Variants in ACTR3C observed in about 807,000 individuals in gnomAD.
ACTR3C encodes actin-related protein 3C.
ACTR3C carries 18 observed loss-of-function variants against 26.3 expected under a neutral mutation model. That is an observed-to-expected ratio of 0.68 (90% confidence interval 0.47 to 1.01). ACTR3C has a LOEUF of 1.01. ACTR3C is among the 50% of genes least tolerant of loss of function. The pLI, the probability that ACTR3C is intolerant of heterozygous loss-of-function variation, is 0.00. For synonymous variants in ACTR3C, 55 were observed against 94.5 expected (o/e 0.58, Z 2.42); for missense variants, 184 against 250.7 (o/e 0.73, Z 1.80).
At chr7:150,016,588 T>G in the ACTR3C span, among the ~76,000 whole-genome samples, 3 of 152,104 alleles carry the variant, frequency 2.0e-5, no homozygotes, top group Non-Finnish European at 2.9e-5. Flanking sequence ...TCATAGGTAT[T>G]GAGAAGACAT....
the ACTR3C span, chr7:150,040,589 T>A: frequency 6.8e-6 from 1 of 147,686 alleles, no homozygotes; most frequent in Non-Finnish European, 1.5e-5. Flanking sequence ...AGATTGCAAA[T>A]AACCTGCTTT....
At chr7:150,300,349 C>G (rs1795341887) in intron 1 of ACTR3C, among the ~76,000 whole-genome samples, 1 of 152,022 alleles carries the variant, frequency 6.6e-6, no homozygotes, top group Admixed American at 6.6e-5. Flanking sequence ...AAGACTCCAT[C>G]TCAAAAAAAA....
chr7:149,889,568 A>C, the ACTR3C span, among the ~76,000 whole-genome samples: 1 of 152,214 alleles, frequency 6.6e-6, no homozygotes, highest in Non-Finnish European at 1.5e-5. Context: ...AATGTACATT[A>C]AAGTCACAAT....
At chr7:150,135,778 A>G in the ACTR3C span, among the ~76,000 whole-genome samples, 1 of 151,640 alleles carries the variant, frequency 6.6e-6, no homozygotes, top group Non-Finnish European at 1.5e-5. Flanking sequence ...AGAAAGAAAG[A>G]AAGAAAGAAA....
At chr7:150,125,730 G>A in the ACTR3C span, among the ~76,000 whole-genome samples, 40 of 152,086 alleles carry the variant, frequency 2.6e-4, no homozygotes, top group African/African-American at 9.2e-4. Context: ...CTACTGCTCC[G>A]GCTGGTACGT....
the ACTR3C span, among the ~76,000 whole-genome samples, chr7:149,958,017 T>G: frequency 6.6e-6 from 1 of 152,218 alleles, no homozygotes. Flanking sequence ...ATAAGGCAGA[T>G]GCTAAGTACC....
chr7:150,038,646 G>C, the ACTR3C span, among the ~76,000 whole-genome samples: 1 of 144,662 alleles, frequency 6.9e-6, no homozygotes, highest in African/African-American at 2.6e-5. Flanking sequence ...CCGTCGGATC[G>C]TAAATCCCAC....
the ACTR3C span, among the ~76,000 whole-genome samples, chr7:150,162,805 CTA>C: frequency 1.3e-5 from 2 of 152,128 alleles, no homozygotes; most frequent in African/African-American, 4.8e-5. Flanking sequence ...AAAATTATCT[CTA>C]CACTAAAATT....
chr7:150,076,541 C>T, the ACTR3C span: 1 of 152,012 alleles, frequency 6.6e-6, no homozygotes, highest in Non-Finnish European at 1.5e-5. Flanking sequence ...GCCCACACCT[C>T]TTATAAAGAG....
chr7:150,112,679 A>G, the ACTR3C span, among the ~76,000 whole-genome samples: 1 of 152,180 alleles, frequency 6.6e-6, no homozygotes, highest in African/African-American at 2.4e-5. Flanking sequence ...GAGGACAGCC[A>G]CCCATCTAAG....
chr7:150,135,180 G>A, the ACTR3C span, among the ~76,000 whole-genome samples: 1 of 152,270 alleles, frequency 6.6e-6, no homozygotes, highest in African/African-American at 2.4e-5. Context: ...GCTGAGGCAG[G>A]AGAATGGCGT....
Position 150,273,283 on chromosome 7 carries a change from CTT to C in ACTR3C, c.564+11468_564+11469del, listed in dbSNP as rs112162611. On this transcript the variant is annotated intron_variant, in intron 6 of 7. Coordinates refer to ENST00000683684, the MANE Select transcript of ACTR3C (RefSeq NM_001164458.2). ...CACTGCTTATAGAGCACAGACCAAC[CTT>C]TTTTTTTTTTGAAATAGGGTGTCCC... Among the ~76,000 whole-genome samples the C allele has an allele frequency of 5.6e-3, 706 of 126,502 alleles. 110 individuals are homozygous for C. The highest frequency in any genetic ancestry group is 0.024 in the African/African-American group (643 of 27,200). 83.0% of individuals were successfully genotyped at this position (126,502 alleles called of 152,430 possible).
At chr7:149,926,056 C>G in the ACTR3C span, among the ~76,000 whole-genome samples, 3 of 151,844 alleles carry the variant, frequency 2.0e-5, no homozygotes, top group Non-Finnish European at 4.4e-5. Context: ...GAGTGAGACT[C>G]TGTCTCAAAA....
chr7:150,285,209 A>G (rs1351922360), intron 5 of ACTR3C, among the ~76,000 whole-genome samples: 2 of 152,226 alleles, frequency 1.3e-5, no homozygotes, highest in Admixed American at 1.3e-4. Flanking sequence ...ATCATTTGAC[A>G]ATATTCGTAT....
At chr7:150,188,572 C>A in the ACTR3C span, among the ~76,000 whole-genome samples, 1 of 151,226 alleles carries the variant, frequency 6.6e-6, no homozygotes, top group East Asian at 1.9e-4. Flanking sequence ...ACATTTCCAC[C>A]AGCACTGTAT....
At chr7:149,982,828 G>T in the ACTR3C span, among the ~76,000 whole-genome samples, 1 of 151,938 alleles carries the variant, frequency 6.6e-6, no homozygotes, top group Admixed American at 6.6e-5. Flanking sequence ...CATGTCATCC[G>T]CAAACAGAGA....
chr7:149,893,642 G>A, the ACTR3C span, among the ~76,000 whole-genome samples: 4 of 152,166 alleles, frequency 2.6e-5, no homozygotes, highest in African/African-American at 9.7e-5. Context: ...AGAAATATTT[G>A]TTAAATTAAC....
chr7:149,910,920 C>T, the ACTR3C span, among the ~76,000 whole-genome samples: 2 of 151,818 alleles, frequency 1.3e-5, no homozygotes, highest in Non-Finnish European at 2.9e-5. Flanking sequence ...GTCTTCGTGC[C>T]ACAGGAGCCA....
the ACTR3C span, among the ~76,000 whole-genome samples, chr7:150,172,537 T>C: frequency 1.9e-4 from 29 of 150,486 alleles, 3 homozygotes; most frequent in African/African-American, 6.8e-4. Context: ...GAGATTTGGG[T>C]AGGGACAGAG....
Sources: allele counts gnomAD v4.1 joint callset (sites outside exome capture counted in the v4.1 genomes callset), GRCh38; gene constraint gnomAD v4.1.1; transcripts MANE v1.5; gene names NCBI Gene and HGNC (gene_info 2026-07-23, HGNC 2026-07-21).